The following OSBPL10 variants were observed in gnomAD, a reference collection of about 807,000 sequenced individuals.
OSBPL10 encodes oxysterol-binding protein-related protein 10.
In OSBPL10, 49 loss-of-function variants were observed where a neutral mutation model predicts 81.7. That is an observed-to-expected ratio of 0.60 (90% CI 0.48 to 0.76). The LOEUF (loss-of-function observed/expected upper bound fraction) is 0.76. Among genes scored for constraint, OSBPL10 ranks in the 30% least tolerant of loss-of-function variants. The pLI, the probability that OSBPL10 is intolerant of heterozygous loss-of-function variation, is 0.00. For synonymous variants in OSBPL10, 419 were observed against 383.6 expected (o/e 1.09, Z -1.08); for missense variants, 923 against 987.8 (o/e 0.93, Z 0.88).
intron 4 of OSBPL10, among the ~76,000 whole-genome samples, chr3:31,775,610 T>A (rs1698527657): frequency 6.6e-6 from 1 of 151,986 alleles, no homozygotes; most frequent in Non-Finnish European, 1.5e-5. Flanking sequence ...ATCACCAAAA[T>A]TATGATAGGG....
intron 1 of OSBPL10, among the ~76,000 whole-genome samples, chr3:32,049,911 C>A (rs1395250876): frequency 6.6e-6 from 1 of 152,186 alleles, no homozygotes; most frequent in African/African-American, 2.4e-5. Context: ...CACCTCGCTG[C>A]AGTCAACACT....
chr3:31,947,366 G>T (rs1404350913), intron 1 of OSBPL10, among the ~76,000 whole-genome samples: 1 of 152,166 alleles, frequency 6.6e-6, no homozygotes, highest in East Asian at 1.9e-4. Context: ...ACCCAACTCA[G>T]CTGAACAGCA....
At chr3:31,776,556 G>A (rs2125759765) in intron 4 of OSBPL10, among the ~76,000 whole-genome samples, 1 of 152,286 alleles carries the variant, frequency 6.6e-6, no homozygotes. Flanking sequence ...CAGCCCAAAT[G>A]TCCACCAACA....
At chr3:31,695,731 A>G (rs774170334) in intron 7 of OSBPL10, among the ~76,000 whole-genome samples, 10 of 152,150 alleles carry the variant, frequency 6.6e-5, no homozygotes, top group Non-Finnish European at 1.3e-4. Flanking sequence ...GTGTGTGACA[A>G]TCCTCCTACC....
intron 8 of OSBPL10, among the ~76,000 whole-genome samples, chr3:31,673,409 C>T (rs565344730): frequency 2.0e-5 from 3 of 152,254 alleles, no homozygotes; most frequent in Admixed American, 6.5e-5. Context: ...TGATCAACAG[C>T]CAGGGAAAGT....
At chr3:32,032,437 AAATT>A (rs1408733172) in intron 2 of OSBPL10, among the ~76,000 whole-genome samples, 2 of 152,242 alleles carry the variant, frequency 1.3e-5, no homozygotes, top group Non-Finnish European at 2.9e-5. Context: ...AATTAATTAA[AAATT>A]AAATAAGTAA....
intron 4 of OSBPL10, among the ~76,000 whole-genome samples, chr3:31,782,264 T>C (rs1034168364): frequency 6.6e-5 from 10 of 152,222 alleles, no homozygotes; most frequent in African/African-American, 2.4e-4. Flanking sequence ...ATCCTCATCT[T>C]TCACCTTACA....
chr3:31,748,534 T>C (rs1487059927), intron 4 of OSBPL10, among the ~76,000 whole-genome samples: 1 of 151,840 alleles, frequency 6.6e-6, no homozygotes, highest in Non-Finnish European at 1.5e-5. Flanking sequence ...AAACCTTAAC[T>C]CTTTGCTAGT....
At chr3:31,767,019 C>T (rs981718886) in intron 4 of OSBPL10, among the ~76,000 whole-genome samples, 5 of 152,140 alleles carry the variant, frequency 3.3e-5, no homozygotes, top group Admixed American at 6.5e-5. Context: ...ATCCACAGTC[C>T]TCTCTAAGCT....
chr3:31,719,393 T>C (rs55671071), intron 6 of OSBPL10, among the ~76,000 whole-genome samples: 3,930 of 152,110 alleles, frequency 0.026, 187 homozygotes, highest in African/African-American at 0.089. Context: ...AGTAACCCAA[T>C]TGAAAAATAT....
chr3:32,050,411 C>G (rs1305819210), intron 1 of OSBPL10, among the ~76,000 whole-genome samples: 3 of 152,140 alleles, frequency 2.0e-5, no homozygotes, highest in Admixed American at 2.0e-4. Flanking sequence ...TGTTGATTCT[C>G]TTCTCCTCCA....
chr3:31,911,230 C>T (rs567183328), intron 1 of OSBPL10, among the ~76,000 whole-genome samples: 20 of 152,278 alleles, frequency 1.3e-4, no homozygotes, highest in Non-Finnish European at 2.9e-4. Flanking sequence ...GTCTCTGTTC[C>T]AACTACTCAA....
rs112395552 is a variant in OSBPL10, at chr3:31,669,259, C to G, written c.1914-435G>C. On this transcript the variant is annotated intron_variant, in intron 9 of 11. Coordinates refer to ENST00000396556, the MANE Select transcript of OSBPL10 (RefSeq NM_017784.5). ...AAGAACTTACTCATGTAAGCAAATA[C>G]CACCTGTACCCCAATAACTTATGCA... 2.6e-3 allele frequency among the ~76,000 whole-genome samples: 389 copies of G among 152,000 alleles called. 2 individuals carry two copies. Among genetic ancestry groups the G allele is most frequent in the African/African-American group, 9.2e-3 (382 of 41,434 alleles).
intron 1 of OSBPL10, among the ~76,000 whole-genome samples, chr3:32,056,626 C>T (rs1273822542): frequency 6.6e-6 from 1 of 152,180 alleles, no homozygotes; most frequent in Non-Finnish European, 1.5e-5. Flanking sequence ...ACCCTGAATA[C>T]AAGAGACCCT....
chr3:31,877,207 A>T (rs1241284498), intron 2 of OSBPL10, among the ~76,000 whole-genome samples: 4 of 152,130 alleles, frequency 2.6e-5, no homozygotes, highest in Non-Finnish European at 5.9e-5. Context: ...CCCGGCCTCA[A>T]AGGGCAGTTT....
intron 6 of OSBPL10, among the ~76,000 whole-genome samples, chr3:31,702,954 T>C (rs541377046): frequency 2.0e-5 from 3 of 152,326 alleles, no homozygotes; most frequent in African/African-American, 7.2e-5. Context: ...AAATTATTTA[T>C]GGAAAAACGT....
At chr3:31,857,817 A>AGGGGGGGAGGGG in intron 3 of OSBPL10, among the ~76,000 whole-genome samples, 1 of 6,774 alleles carries the variant, frequency 1.5e-4, no homozygotes, top group Non-Finnish European at 3.6e-4. Context: ...AGAGAGAGAA[A>AGGGGGGGAGGGG]GGGAGAGGGA....
chr3:31,912,204 G>C (rs1213128439), intron 1 of OSBPL10, among the ~76,000 whole-genome samples: 1 of 152,046 alleles, frequency 6.6e-6, no homozygotes, highest in Non-Finnish European at 1.5e-5. Context: ...GACCAGCCTG[G>C]CTAACACGGT....
intron 2 of OSBPL10, chr3:32,030,057 C>A: frequency 5.7e-6 from 1 of 176,564 alleles, no homozygotes; most frequent in South Asian, 1.4e-4. Context: ...GAGACTGAGT[C>A]ATAAAATGAG....
Sources: allele counts gnomAD v4.1 joint callset (sites outside exome capture counted in the v4.1 genomes callset), GRCh38; gene constraint gnomAD v4.1.1; transcripts MANE v1.5; gene names NCBI Gene and HGNC (gene_info 2026-07-23, HGNC 2026-07-21).